AGBL4: variants seen among roughly 807,000 people sequenced by gnomAD.
The protein encoded by AGBL4 is AGBL carboxypeptidase 4.
Under a neutral mutation model 66.4 loss-of-function variants are expected in AGBL4, and 58 were observed. The observed-to-expected ratio is 0.87, with a 90% CI of 0.71 to 1.09. AGBL4 has a LOEUF of 1.09. Ranked by LOEUF, AGBL4 falls within the 50% of genes least tolerant of loss-of-function variation. The probability of loss-of-function intolerance (pLI) is 0.00; values close to 1 mark genes in which losing one functional copy is unlikely to be tolerated. For synonymous variants in AGBL4, 234 were observed against 222.9 expected, an observed-to-expected ratio of 1.05 and a Z score of -0.44; for missense variants, 579 against 631.0, an observed-to-expected ratio of 0.92 and a Z score of 0.88.
intron 1 of AGBL4, among the ~76,000 whole-genome samples, chr1:49,967,854 T>C (rs935420549): frequency 1.3e-5 from 2 of 152,068 alleles, no homozygotes; most frequent in Admixed American, 6.6e-5. Context: ...TGACTACTTA[T>C]ATTTATTCTT....
chr1:49,129,354 G>A (rs1645835752), intron 4 of AGBL4, among the ~76,000 whole-genome samples: 1 of 151,572 alleles, frequency 6.6e-6, no homozygotes, highest in South Asian at 2.1e-4. Flanking sequence ...GGGTACATGT[G>A]CACAATGTGC....
At chr1:49,147,227 C>T (rs1268162903) in intron 4 of AGBL4, among the ~76,000 whole-genome samples, 1 of 152,114 alleles carries the variant, frequency 6.6e-6, no homozygotes, top group African/African-American at 2.4e-5. Context: ...ATTGCCTGAA[C>T]TGTCAGACAG....
chr1:48,886,433 T>A lies in AGBL4; in HGVS notation c.595-19203A>T, dbSNP rs1056965921. On this transcript the variant is annotated intron_variant, in intron 5 of 13. Transcript: ENST00000371839. ...TGTTTTGTCACTGTAAAACATGTATTTCTTTAAGTGTTCAAGTGTAATAAA... is the reference window on the plus strand; with the variant it reads ...TGTTTTGTCACTGTAAAACATGTATATCTTTAAGTGTTCAAGTGTAATAAA... Among the ~76,000 whole-genome samples, 3 of 152,238 alleles carry A rather than the reference T, an allele frequency of 2.0e-5. No individual in the cohort carries two copies. The East Asian group carries it at 5.8e-4, about 29-fold the overall frequency.
chr1:49,287,502 C>G (rs1166051246), intron 3 of AGBL4, among the ~76,000 whole-genome samples: 1 of 150,342 alleles, frequency 6.7e-6, no homozygotes, highest in African/African-American at 2.4e-5. Context: ...ACAAAGAACT[C>G]AAACAAATTT....
intron 2 of AGBL4, among the ~76,000 whole-genome samples, chr1:49,746,075 C>T (rs1243628721): frequency 1.3e-5 from 2 of 151,918 alleles, no homozygotes; most frequent in African/African-American, 4.8e-5. Context: ...TTTGTTCATT[C>T]AATTAATTAT....
chr1:49,831,661 G>C (rs1645683728), intron 2 of AGBL4, among the ~76,000 whole-genome samples: 1 of 152,166 alleles, frequency 6.6e-6, no homozygotes, highest in Non-Finnish European at 1.5e-5. Flanking sequence ...AATAGGAGTG[G>C]TGAGAGAAGG....
chr1:49,936,713 C>T (rs567138877), intron 1 of AGBL4, among the ~76,000 whole-genome samples: 1 of 152,086 alleles, frequency 6.6e-6, no homozygotes, highest in Non-Finnish European at 1.5e-5. Flanking sequence ...ATTTTCAACC[C>T]AGAATTTCAT....
At chr1:49,564,221 C>T (rs1644132276) in intron 3 of AGBL4, among the ~76,000 whole-genome samples, 2 of 152,172 alleles carry the variant, frequency 1.3e-5, no homozygotes, top group Middle Eastern at 3.4e-3. Context: ...GTCTTGCTAG[C>T]AGTCTATCAA....
At chr1:49,431,402 T>C (rs1205037240) in intron 3 of AGBL4, among the ~76,000 whole-genome samples, 1 of 152,212 alleles carries the variant, frequency 6.6e-6, no homozygotes, top group East Asian at 1.9e-4. Context: ...CTGGGAACTG[T>C]ATTTATAATC....
intron 4 of AGBL4, among the ~76,000 whole-genome samples, chr1:49,236,868 C>T (rs1052187226): frequency 6.6e-6 from 1 of 152,010 alleles, no homozygotes; most frequent in African/African-American, 2.4e-5. Flanking sequence ...CCCACAATTC[C>T]CGCATGTCAT....
intron 6 of AGBL4, among the ~76,000 whole-genome samples, chr1:48,726,864 A>G (rs1428876126): frequency 6.6e-6 from 1 of 152,234 alleles, no homozygotes; most frequent in Non-Finnish European, 1.5e-5. Flanking sequence ...AAAGGTAGCT[A>G]TTATCTCCTT....
downstream of AGBL4, among the ~76,000 whole-genome samples, chr1:48,529,185 A>T (rs1024551971): frequency 6.6e-6 from 1 of 152,038 alleles, no homozygotes; most frequent in East Asian, 1.9e-4. Flanking sequence ...CCTCAGTGTG[A>T]CTGCCTTTCT....
At chr1:49,363,347 C>A (rs1330627439) in intron 3 of AGBL4, among the ~76,000 whole-genome samples, 3 of 152,158 alleles carry the variant, frequency 2.0e-5, no homozygotes, top group Non-Finnish European at 4.4e-5. Flanking sequence ...GTTGGCTGGC[C>A]TAGAGAGCCC....
chr1:48,947,688 C>T (rs17105296), intron 5 of AGBL4, among the ~76,000 whole-genome samples: 3,392 of 152,184 alleles, frequency 0.022, 131 homozygotes, highest in African/African-American at 0.075. Flanking sequence ...CTCCTCAAAA[C>T]GTAACATACT....
chr1:48,980,038 T>C (rs1179160865), intron 5 of AGBL4, among the ~76,000 whole-genome samples: 2 of 152,166 alleles, frequency 1.3e-5, no homozygotes, highest in African/African-American at 2.4e-5. Context: ...CTCAGGAAGG[T>C]GATACAAATA....
intron 3 of AGBL4, among the ~76,000 whole-genome samples, chr1:49,550,362 T>C (rs1652856471): frequency 6.6e-6 from 1 of 152,210 alleles, no homozygotes; most frequent in Non-Finnish European, 1.5e-5. Context: ...ATTTTTGTTT[T>C]TGCTTTTTAA....
intron 6 of AGBL4, among the ~76,000 whole-genome samples, chr1:48,811,435 C>T (rs1646047085): frequency 6.6e-6 from 1 of 152,192 alleles, no homozygotes; most frequent in Admixed American, 6.5e-5. Flanking sequence ...CAGCTTTGCT[C>T]AAGCATTTAC....
chr1:49,637,699 TTA>T (rs1272132039), intron 3 of AGBL4, among the ~76,000 whole-genome samples: 10 of 152,152 alleles, frequency 6.6e-5, no homozygotes, highest in African/African-American at 2.4e-4. Flanking sequence ...TTATGAATAT[TTA>T]TCTGTTACAC....
intron 3 of AGBL4, among the ~76,000 whole-genome samples, chr1:49,490,839 A>G (rs938261505): frequency 2.0e-5 from 3 of 151,756 alleles, no homozygotes; most frequent in Admixed American, 2.0e-4. Flanking sequence ...GAAAGAAAAC[A>G]CAATAAAAAC....
Sources: gnomAD v4.1 joint callset for allele counts (sites outside exome capture counted in the v4.1 genomes callset) on GRCh38, gnomAD v4.1.1 for gene constraint, MANE v1.5 for transcripts, NCBI Gene and HGNC (gene_info 2026-07-23, HGNC 2026-07-21) for gene names.